BRIP1: variants seen among roughly 807,000 people sequenced by gnomAD.
BRIP1 encodes Fanconi anemia group J protein.
BRIP1 carries 88 observed loss-of-function variants against 119.7 expected under a neutral mutation model. That is an observed-to-expected ratio of 0.74 (90% CI 0.62 to 0.88). The LOEUF (loss-of-function observed/expected upper bound fraction) is 0.88, where lower values mean the gene tolerates loss of function less well. BRIP1 is among the 40% of genes least tolerant of loss of function. The pLI is 0.00. For synonymous variants in BRIP1, 443 were observed against 496.5 expected, an observed-to-expected ratio of 0.89 and a Z score of 1.43; for missense variants, 1,259 against 1,455.4, an observed-to-expected ratio of 0.87 and a Z score of 2.20.
rs892239329 is a variant in BRIP1, at chr17:61,767,107, C to T, written c.2097+9294G>A. 2.6e-5 allele frequency among the ~76,000 whole-genome samples: 4 copies of T among 152,060 alleles called. No individual in the cohort carries two copies. The highest frequency in any genetic ancestry group is 9.7e-5 in the African/African-American group (4 of 41,404). On this transcript the variant is annotated intron_variant, in intron 14 of 19. Transcript: ENST00000259008. This position sits in a 1 kb window ranked among gnomAD's most constrained non-coding sequence, Gnocchi z 5.7. ...GATGAACAACGTTCTCACTCTTACC[C>T]TTAAACAAATGCTGCAGTTTACATC...
Position 61,853,384 on chromosome 17 carries a change from T to C in BRIP1, c.379+3674A>G, listed in dbSNP as rs1483420328. Among the ~76,000 whole-genome samples the C allele has an allele frequency of 7.2e-6, 1 of 139,262 alleles. No individual in the cohort carries two copies. The allele number at this position is 139,262 out of a possible 152,430, so 91.4% of individuals were successfully genotyped here. A position where few individuals can be genotyped will look rare whatever the true frequency, so the allele number is the denominator to read the frequency against. On this transcript the variant is annotated intron_variant, in intron 4 of 19. Transcript: ENST00000259008. The surrounding 1 kb of genome is among the most constrained non-coding windows in gnomAD (Gnocchi z 4.3). The stretch of plus-strand genomic sequence containing the variant: ...GCCTCTGGGGTGTTGGTAATGTCTC[T>C]CTCTTTTTTTTTTAATCTATGTAGT...
chr17:61,683,547 C>T lies in BRIP1; in HGVS notation c.3499G>A (p.Ala1167Thr), dbSNP rs1555572570. ...RLANNSDCIL[A>T]KDLFEIRTIK... The stretch of plus-strand genomic sequence containing the variant: ...GTTCTAATTTCAAAAAGGTCTTTAG[C>T]TAAAATGCAATCTGAATTGTTAGCC... Residue 1167 changes from alanine (A) to threonine (T), a missense_variant, in exon 20 of 20, where the codon GCT (alanine) becomes ACT (threonine). This residue lies in a region of BRIP1 where 753 missense variants were observed against 891.8 expected (regional missense o/e 0.84). Transcript: ENST00000259008. The surrounding 1 kb of genome is among the most constrained non-coding windows in gnomAD (Gnocchi z 4.7). 1.9e-6 allele frequency: 3 copies of T among 1,613,098 alleles called. No homozygotes were observed. Among genetic ancestry groups the T allele is most frequent in the Non-Finnish European group, 2.5e-6 (3 of 1,179,984 alleles).
rs1380588685 is a variant in BRIP1, at chr17:61,789,098, ATAAAT to A, written c.1473+4494_1473+4498del. Among the ~76,000 whole-genome samples the A allele has an allele frequency of 6.6e-6, 1 of 151,906 alleles. No homozygotes were observed. The highest frequency in any genetic ancestry group is 1.5e-5 in the Non-Finnish European group (1 of 67,978). ...TAACAGAGTGAGATTCTGTCTCAAA[ATAAAT>A]AAAAAAATAAGTAATTAGCCAGGTG... On this transcript the variant is annotated intron_variant, in intron 10 of 19. Coordinates refer to ENST00000259008, the MANE Select transcript of BRIP1 (RefSeq NM_032043.3). This position sits in a 1 kb window ranked among gnomAD's most constrained non-coding sequence, Gnocchi z 4.8.
intron 4 of BRIP1, among the ~76,000 whole-genome samples, chr17:61,854,702 CAAAAAAA>C (rs60657866): frequency 2.4e-5 from 2 of 82,292 alleles, no homozygotes; most frequent in Non-Finnish European, 5.1e-5. Flanking sequence ...GACTCCGTCT[CAAAAAAA>C]AAAAAAAAAA....
chr17:61,702,029 A>G (rs1255785106), intron 17 of BRIP1, among the ~76,000 whole-genome samples: 2 of 152,216 alleles, frequency 1.3e-5, no homozygotes, highest in Non-Finnish European at 2.9e-5. Context: ...ACTGCAATTC[A>G]GCTATTTTTA....
At position 61,848,949 on chromosome 17, in the gene BRIP1, T is replaced by C. The variant is rs2078774083; in HGVS notation, c.507+180A>G. ...TTGAACGACATGTTACTGTGAATAA[T>C]CTGCTATAATAAACTCCTTTGTAAC... is the stretch of plus-strand genomic sequence containing the variant. On this transcript the variant is annotated intron_variant, in intron 5 of 19. Transcript: ENST00000259008. The surrounding 1 kb of genome is among the most constrained non-coding windows in gnomAD (Gnocchi z 4.3). Among the ~76,000 whole-genome samples the C allele has an allele frequency of 2.0e-5, 3 of 152,186 alleles. No individual in the cohort carries two copies. The South Asian group carries it at 6.2e-4, about 31-fold the overall frequency.
In BRIP1 at chr17:61,816,479, C is replaced by T. The variant is rs561708724; in HGVS notation, c.628-7722G>A. Among the ~76,000 whole-genome samples the T allele has an allele frequency of 1.3e-5, 2 of 152,286 alleles. No individual in the cohort carries two copies. The highest frequency in any genetic ancestry group is 4.1e-4 in the South Asian group (2 of 4,826). On this transcript the variant is annotated intron_variant, in intron 6 of 19. Transcript: ENST00000259008. This position sits in a 1 kb window ranked among gnomAD's most constrained non-coding sequence, Gnocchi z 5.0. Reference sequence around the variant, plus strand: ...CCATAAGTGTTTGTTACCCTACTCTCCACTTACTGTTTACTTTCTTGCCTA... The same window carrying T: ...CCATAAGTGTTTGTTACCCTACTCTTCACTTACTGTTTACTTTCTTGCCTA...
At position 61,715,939 on chromosome 17, in the gene BRIP1, C is replaced by T. The variant is rs1424282420; in HGVS notation, c.2492+12G>A. ...TCACAGATAATATTATATTAAATTT[C>T]ACTCCACTTACCTACCAAGGGCCTG... On this transcript the variant is annotated intron_variant, in intron 17 of 19. Transcript: ENST00000259008. 8 of 1,501,106 alleles carry T rather than the reference C, an allele frequency of 5.3e-6. No individual in the cohort carries two copies. The highest frequency in any genetic ancestry group is 5.6e-6 in the Non-Finnish European group (6 of 1,079,794). 93.0% of individuals were successfully genotyped at this position (1,501,106 alleles called of 1,614,324 possible).
intron 16 of BRIP1, among the ~76,000 whole-genome samples, chr17:61,727,717 C>G (rs1477876841): frequency 6.6e-6 from 1 of 152,012 alleles, no homozygotes; most frequent in Non-Finnish European, 1.5e-5. Context: ...GAGCCATGAT[C>G]TCACCACTGC....
In BRIP1 at chr17:61,801,270, C is replaced by G. The variant is rs878855135; in HGVS notation, c.1123G>C (p.Ala375Pro). ...IFCPYNYLLD[A>P]QIRESMDLNL... ...ATACTCACACTTTCCCTTATTTGTGCATCTAGAAGATAGTTGTAGGGACAA... is the reference window on the plus strand; with the variant it reads ...ATACTCACACTTTCCCTTATTTGTGGATCTAGAAGATAGTTGTAGGGACAA... The change falls in exon 8 of 20, where the codon GCA becomes CCA. Residue 375 changes from alanine to proline, a missense_variant. By Grantham distance (27) the Ala-to-Pro change is conservative. Coordinates refer to ENST00000259008, the MANE Select transcript of BRIP1 (RefSeq NM_032043.3). 6.2e-7 allele frequency: 1 copy of G among 1,612,896 alleles called. No individual in the cohort carries two copies. The highest frequency in any genetic ancestry group is 1.7e-5 in the Admixed American group (1 of 59,990).
Position 61,699,776 on chromosome 17 carries a change from A to G in BRIP1, c.2493-6264T>C, listed in dbSNP as rs548499569. 9.8e-5 allele frequency among the ~76,000 whole-genome samples: 15 copies of G among 152,324 alleles called. No homozygotes were observed. In the South Asian group the frequency reaches 3.1e-3, roughly 32 times the overall value. Reference sequence around the variant, plus strand: ...TGTGCCTGAACTGTTTGAGTAAACAATATATTAATGCTGAATACTCATTCT... The same window carrying G: ...TGTGCCTGAACTGTTTGAGTAAACAGTATATTAATGCTGAATACTCATTCT... On this transcript the variant is annotated intron_variant, in intron 17 of 19. Transcript: ENST00000259008. The surrounding 1 kb of genome is among the most constrained non-coding windows in gnomAD (Gnocchi z 4.8).
In BRIP1 at chr17:61,742,696, C is replaced by T. The variant is rs1428386789; in HGVS notation, c.2379+317G>A. 2.6e-5 allele frequency among the ~76,000 whole-genome samples: 4 copies of T among 152,110 alleles called. No individual in the cohort carries two copies. Among genetic ancestry groups the T allele is most frequent in the African/African-American group, 7.2e-5 (3 of 41,424 alleles). On this transcript the variant is annotated intron_variant, in intron 16 of 19. Coordinates refer to ENST00000259008, the MANE Select transcript of BRIP1 (RefSeq NM_032043.3). This position sits in a 1 kb window ranked among gnomAD's most constrained non-coding sequence, Gnocchi z 4.7. ...TTACGTTTGCTCTCTTATGTGGGTA[C>T]AGTATGAGATGCCCCAAAACAATTA... is the stretch of plus-strand genomic sequence containing the variant.
intron 17 of BRIP1, among the ~76,000 whole-genome samples, chr17:61,697,431 A>G (rs1018360063): frequency 6.9e-6 from 1 of 145,758 alleles, no homozygotes; most frequent in African/African-American, 2.5e-5. Flanking sequence ...GAATTTGTCC[A>G]TTTAATCTAA....
Position 61,683,138 on chromosome 17 carries a change from A to AG in BRIP1, c.*157_*158insC. 3 of 930,558 alleles carry AG rather than the reference A, an allele frequency of 3.2e-6. No homozygotes were observed. In the East Asian group the frequency reaches 8.1e-5, roughly 25 times the overall value. The allele number at this position is 930,558 out of a possible 1,614,324, so 57.6% of individuals were successfully genotyped here. On this transcript the variant is annotated 3_prime_UTR_variant, in exon 20 of 20. Transcript: ENST00000259008. The surrounding 1 kb of genome is among the most constrained non-coding windows in gnomAD (Gnocchi z 4.7). ...AGACCAAGACTCTGTCTCAAAAAAA[A>AG]AAACCCAAAAACTCAAGAATAATAA...
intron 4 of BRIP1, among the ~76,000 whole-genome samples, chr17:61,850,348 C>T (rs1282681090): frequency 6.6e-6 from 1 of 151,814 alleles, no homozygotes; most frequent in African/African-American, 2.4e-5. Flanking sequence ...GTGATCCACC[C>T]GCCTAGCCTC....
Position 61,793,487 on chromosome 17 carries a change from T to C in BRIP1, c.1473+110A>G, listed in dbSNP as rs1165915220. 2.1e-6 allele frequency: 2 copies of C among 969,354 alleles called. No homozygotes were observed. Among genetic ancestry groups the C allele is most frequent in the African/African-American group, 1.7e-5 (1 of 60,160 alleles). The allele number at this position is 969,354 out of a possible 1,614,324, so 60.0% of individuals were successfully genotyped here. A position where few individuals can be genotyped will look rare whatever the true frequency, so the allele number is the denominator to read the frequency against. ...TAATAAAATTTTTAAAAAATTAAATTGCTATATTTAACAATTCTGGGTTAC... is the reference window on the plus strand; with the variant it reads ...TAATAAAATTTTTAAAAAATTAAATCGCTATATTTAACAATTCTGGGTTAC... On this transcript the variant is annotated intron_variant, in intron 10 of 19. Transcript: ENST00000259008. This position sits in a 1 kb window ranked among gnomAD's most constrained non-coding sequence, Gnocchi z 5.2.
chr17:61,803,497 G>T lies in BRIP1; in HGVS notation c.919-2023C>A, dbSNP rs1442507851. Among the ~76,000 whole-genome samples the T allele has an allele frequency of 6.6e-6, 1 of 152,014 alleles. No homozygotes were observed. The highest frequency in any genetic ancestry group is 1.9e-4 in the East Asian group (1 of 5,162). On this transcript the variant is annotated intron_variant, in intron 7 of 19. Transcript: ENST00000259008. The surrounding 1 kb of genome is among the most constrained non-coding windows in gnomAD (Gnocchi z 4.3). ...GCCGGAGGACTGCATGAGCCTAGGA[G>T]TTCAAGACCAGCTGGGCAGCACAGG...
At chr17:61,685,511 G>T in intron 19 of BRIP1, 2 of 373,042 alleles carry the variant, frequency 5.4e-6, no homozygotes, top group Non-Finnish European at 9.6e-6. Context: ...TTATAATTTT[G>T]ACCTTTACAA....
At chr17:61,797,292 C>G (rs1175561579) in intron 9 of BRIP1, among the ~76,000 whole-genome samples, 1 of 151,076 alleles carries the variant, frequency 6.6e-6, no homozygotes, top group East Asian at 1.9e-4. Flanking sequence ...TAAGAATTAT[C>G]AAAAGAAATG....
Sources: allele counts gnomAD v4.1 joint callset (sites outside exome capture counted in the v4.1 genomes callset), GRCh38; gene constraint gnomAD v4.1.1; regional missense constraint gnomAD v4.1.1; non-coding constraint Gnocchi (gnomAD v3.1); transcripts MANE v1.5; gene names NCBI Gene and HGNC (gene_info 2026-07-23, HGNC 2026-07-21).